CDH4: variants seen among roughly 807,000 people sequenced by gnomAD.
CDH4 encodes the protein cadherin-4.
In CDH4, 33 loss-of-function variants were observed where a neutral mutation model predicts 86.0. That is an observed-to-expected ratio of 0.38 (90% CI 0.29 to 0.51). The LOEUF (loss-of-function observed/expected upper bound fraction) is 0.51, where lower values mean the gene tolerates loss of function less well. Ranked by LOEUF, CDH4 falls within the 20% of genes least tolerant of loss-of-function variation. The pLI is 0.86. For synonymous variants in CDH4, 555 were observed against 549.4 expected, an observed-to-expected ratio of 1.01 and a Z score of -0.14; for missense variants, 1,114 against 1,307.4, an observed-to-expected ratio of 0.85 and a Z score of 2.28.
intron 2 of CDH4, among the ~76,000 whole-genome samples, chr20:61,288,206 A>AG (rs1452744838): frequency 6.6e-6 from 1 of 151,512 alleles, no homozygotes; most frequent in Non-Finnish European, 1.5e-5. Flanking sequence ...TCCCAGAAAA[A>AG]AAAATCCCTT....
intron 4 of CDH4, among the ~76,000 whole-genome samples, chr20:61,813,308 C>T (rs2146050363): frequency 6.6e-6 from 1 of 152,288 alleles, no homozygotes; most frequent in East Asian, 1.9e-4. Context: ...CGTGTGTCCT[C>T]ACTCCCTTGA....
intron 2 of CDH4, among the ~76,000 whole-genome samples, chr20:61,289,722 C>G (rs1313297087): frequency 7.0e-6 from 1 of 143,684 alleles, no homozygotes; most frequent in Admixed American, 7.0e-5. Flanking sequence ...TGGGTTTATC[C>G]CCGTATCCAA....
intron 2 of CDH4, among the ~76,000 whole-genome samples, chr20:61,677,788 AG>A (rs2087460913): frequency 7.5e-6 from 1 of 132,534 alleles, no homozygotes; most frequent in Non-Finnish European, 1.6e-5. Flanking sequence ...ATGAATGGAT[AG>A]ATACATGGAT....
rs971782078 is a variant in CDH4, at chr20:61,681,760, G to T, written c.170-61803G>T. 6.6e-6 allele frequency among the ~76,000 whole-genome samples: 1 copy of T among 152,212 alleles called. No homozygotes were observed. The highest frequency in any genetic ancestry group is 6.5e-5 in the Admixed American group (1 of 15,284). ...CCCTAGAAAGCCCTGCGTCGGTGTT[G>T]CTGTGTTCTCAGGCCCGTGCAGCTG... is the stretch of plus-strand genomic sequence containing the variant. On this transcript the variant is annotated intron_variant, in intron 2 of 15. Coordinates refer to ENST00000614565, the MANE Select transcript of CDH4 (RefSeq NM_001794.5). This position sits in a 1 kb window ranked among gnomAD's most constrained non-coding sequence, Gnocchi z 4.5.
At chr20:61,543,259 C>T (rs530365834) in intron 2 of CDH4, among the ~76,000 whole-genome samples, 16 of 152,308 alleles carry the variant, frequency 1.1e-4, no homozygotes, top group African/African-American at 3.6e-4. Flanking sequence ...TCAATCTCAT[C>T]AAGTTGACAC....
At chr20:61,546,155 T>TGTGTGTGTG (rs79582664) in intron 2 of CDH4, among the ~76,000 whole-genome samples, 4 of 121,620 alleles carry the variant, frequency 3.3e-5, no homozygotes, top group Non-Finnish European at 3.4e-5. Context: ...TTCACATTCG[T>TGTGTGTGTG]GAGGGTGTGT....
chr20:61,626,532 G>A (rs890184927), intron 2 of CDH4, among the ~76,000 whole-genome samples: 5 of 152,172 alleles, frequency 3.3e-5, no homozygotes, highest in African/African-American at 9.7e-5. Flanking sequence ...GAGGATGGAC[G>A]GGTTCACTGC....
intron 2 of CDH4, among the ~76,000 whole-genome samples, chr20:61,409,456 T>TGAAAATTGAAAATTGA (rs1393841835): frequency 2.0e-5 from 3 of 152,226 alleles, no homozygotes; most frequent in African/African-American, 7.2e-5. Context: ...AATTGAAAAT[T>TGAAAATTGAAAATTGA]AAGCATCCAA....
chr20:61,350,786 C>T lies in CDH4; in HGVS notation c.169+95849C>T, dbSNP rs544069701. On this transcript the variant is annotated intron_variant, in intron 2 of 15. Transcript: ENST00000614565. ...TTGTGTTGTGAGCGGAAAATTGCCA[C>T]TCTTATGGGAAAGATGATGCTGTGT... 4.6e-5 allele frequency among the ~76,000 whole-genome samples: 7 copies of T among 152,348 alleles called. No individual in the cohort carries two copies. The South Asian group carries it at 1.4e-3, about 32-fold the overall frequency.
intron 2 of CDH4, among the ~76,000 whole-genome samples, chr20:61,519,084 C>T (rs1396852213): frequency 1.3e-5 from 2 of 152,196 alleles, no homozygotes; most frequent in Non-Finnish European, 2.9e-5. Flanking sequence ...TGACCATCAC[C>T]CCTCCAGTGG....
chr20:61,508,144 A>G (rs1159776271), intron 2 of CDH4, among the ~76,000 whole-genome samples: 4 of 152,234 alleles, frequency 2.6e-5, no homozygotes, highest in South Asian at 2.1e-4. Flanking sequence ...TGTTTGGTCA[A>G]TCAGTCAGTG....
chr20:61,565,268 GGTC>G (rs1166075886), intron 2 of CDH4, among the ~76,000 whole-genome samples: 9 of 115,436 alleles, frequency 7.8e-5, no homozygotes, highest in Admixed American at 2.7e-4. Flanking sequence ...TGGTGGTGGT[GGTC>G]CTCTTGGTGA....
chr20:61,923,344 G>A, intron 9 of CDH4, 107 bp from the exon 10 acceptor site: 1 of 1,093,382 alleles, frequency 9.1e-7, no homozygotes, highest in Non-Finnish European at 1.4e-6. Context: ...GAGAAGAGCT[G>A]GACATGGCTC....
chr20:61,447,323 ATTTT>A (rs71331923), intron 2 of CDH4, among the ~76,000 whole-genome samples: 24 of 110,834 alleles, frequency 2.2e-4, no homozygotes, highest in African/African-American at 6.9e-4. Context: ...CGCCCAGCTG[ATTTT>A]TTTTTTTTTT....
intron 2 of CDH4, among the ~76,000 whole-genome samples, chr20:61,618,787 G>A (rs889950391): frequency 6.6e-6 from 1 of 152,208 alleles, no homozygotes; most frequent in Non-Finnish European, 1.5e-5. Flanking sequence ...TTTATTGCCT[G>A]AGGACTGAGG....
At chr20:61,428,186 C>A (rs1242860210) in intron 2 of CDH4, among the ~76,000 whole-genome samples, 1 of 152,162 alleles carries the variant, frequency 6.6e-6, no homozygotes, top group Non-Finnish European at 1.5e-5. Flanking sequence ...CAAAGCCTAT[C>A]TAAAGGCAAA....
At chr20:61,658,881 G>T (rs187023179) in intron 2 of CDH4, among the ~76,000 whole-genome samples, 1 of 152,172 alleles carries the variant, frequency 6.6e-6, no homozygotes, top group East Asian at 1.9e-4. Flanking sequence ...ACCAGGGTAG[G>T]GGGGAGTGAC....
At chr20:61,567,352 G>A (rs1415040175) in intron 2 of CDH4, among the ~76,000 whole-genome samples, 1 of 152,230 alleles carries the variant, frequency 6.6e-6, no homozygotes, top group Non-Finnish European at 1.5e-5. Context: ...CTGGAGGCCA[G>A]AGTCCAAGGT....
At chr20:61,467,834 G>A (rs1281636938) in intron 2 of CDH4, among the ~76,000 whole-genome samples, 1 of 152,108 alleles carries the variant, frequency 6.6e-6, no homozygotes, top group Non-Finnish European at 1.5e-5. Flanking sequence ...AACCACCCTT[G>A]GATTCGATAA....
Sources: allele counts gnomAD v4.1 joint callset (sites outside exome capture counted in the v4.1 genomes callset), GRCh38; gene constraint gnomAD v4.1.1; non-coding constraint Gnocchi (gnomAD v3.1); transcripts MANE v1.5; gene names NCBI Gene and HGNC (gene_info 2026-07-23, HGNC 2026-07-21).